Variants in NRG1 observed in about 807,000 individuals in gnomAD.
NRG1 encodes the protein pro-neuregulin-1, membrane-bound isoform.
NRG1 carries 18 observed loss-of-function variants against 63.8 expected under a neutral mutation model. The observed-to-expected ratio is 0.28, with a 90% CI of 0.19 to 0.42. The LOEUF (loss-of-function observed/expected upper bound fraction) is 0.42, where lower values mean the gene tolerates loss of function less well. NRG1 is among the 10% of genes least tolerant of loss of function. NRG1 has a pLI of 1.00. For missense variants in NRG1, 762 were observed against 814.7 expected, an observed-to-expected ratio of 0.94 and a Z score of 0.79; for synonymous variants, 302 against 301.3, an observed-to-expected ratio of 1.00 and a Z score of -0.02.
chr8:32,566,996 C>A (rs978968649), intron 1 of NRG1, among the ~76,000 whole-genome samples: 3 of 152,164 alleles, frequency 2.0e-5, no homozygotes, highest in Non-Finnish European at 2.9e-5. Context: ...GCAGGCACCA[C>A]CACACCCGGC....
intron 1 of NRG1, among the ~76,000 whole-genome samples, chr8:31,897,353 C>G (rs1205790377): frequency 6.6e-6 from 1 of 152,110 alleles, no homozygotes; most frequent in Non-Finnish European, 1.5e-5. Context: ...TAAGATACCA[C>G]ATTCCAGCCT....
chr8:32,703,451 C>G (rs1264630803), intron 5 of NRG1, among the ~76,000 whole-genome samples: 6 of 142,286 alleles, frequency 4.2e-5, no homozygotes, highest in Admixed American at 2.8e-4. Flanking sequence ...TGGAGTCTCG[C>G]TGTGTCGCTC....
chr8:32,725,578 C>A (rs943813721), intron 5 of NRG1, among the ~76,000 whole-genome samples: 2 of 144,960 alleles, frequency 1.4e-5, no homozygotes, highest in African/African-American at 5.1e-5. Flanking sequence ...CAGGTTCAAG[C>A]GATTCTCCTG....
intron 1 of NRG1, among the ~76,000 whole-genome samples, chr8:32,084,509 A>G (rs1351198360): frequency 6.6e-6 from 1 of 152,128 alleles, no homozygotes; most frequent in Non-Finnish European, 1.5e-5. Context: ...ATATCTTCCC[A>G]TGGTTTATTT....
At chr8:32,365,776 A>G (rs1807889700) in intron 1 of NRG1, among the ~76,000 whole-genome samples, 1 of 152,144 alleles carries the variant, frequency 6.6e-6, no homozygotes, top group Non-Finnish European at 1.5e-5. Context: ...CAGCAGGAGG[A>G]TTTGACCCTC....
intron 1 of NRG1, among the ~76,000 whole-genome samples, chr8:31,841,554 CA>C (rs1438035444): frequency 2.0e-5 from 3 of 151,882 alleles, no homozygotes; most frequent in Non-Finnish European, 4.4e-5. Context: ...AGATAAAAGG[CA>C]AAAACAAAAC....
intron 1 of NRG1, among the ~76,000 whole-genome samples, chr8:31,878,642 A>G (rs1469283929): frequency 4.6e-5 from 7 of 152,198 alleles, no homozygotes; most frequent in Non-Finnish European, 1.0e-4. Context: ...CTGCAAGGCT[A>G]CAATCAAGAT....
intron 1 of NRG1, among the ~76,000 whole-genome samples, chr8:32,419,625 T>G (rs151257689): frequency 2.6e-5 from 4 of 152,338 alleles, no homozygotes; most frequent in African/African-American, 9.6e-5. Context: ...AAAGTCTATT[T>G]GAATTATTTA....
At chr8:31,951,457 A>G (rs553081068) in intron 1 of NRG1, among the ~76,000 whole-genome samples, 1 of 152,324 alleles carries the variant, frequency 6.6e-6, no homozygotes, top group East Asian at 1.9e-4. Flanking sequence ...GGAAAAAAAA[A>G]GTCAATGGCT....
chr8:32,448,200 A>G (rs1820510706), intron 1 of NRG1, among the ~76,000 whole-genome samples: 1 of 152,150 alleles, frequency 6.6e-6, no homozygotes. Flanking sequence ...AACCTAAGTA[A>G]ATGTGTTTAT....
intron 1 of NRG1, among the ~76,000 whole-genome samples, chr8:32,321,507 TG>T (rs1222418169): frequency 7.1e-6 from 1 of 141,624 alleles, no homozygotes; most frequent in Non-Finnish European, 1.6e-5. Flanking sequence ...CTGACAGCAG[TG>T]GGTTTTTTTT....
intron 1 of NRG1, among the ~76,000 whole-genome samples, chr8:32,355,826 G>A (rs1461343504): frequency 6.6e-6 from 1 of 152,124 alleles, no homozygotes; most frequent in Non-Finnish European, 1.5e-5. Flanking sequence ...GTACCTGGGT[G>A]ATCACAAACA....
At chr8:32,384,212 G>A (rs35310935) in intron 1 of NRG1, among the ~76,000 whole-genome samples, 3 of 151,966 alleles carry the variant, frequency 2.0e-5, no homozygotes, top group African/African-American at 4.8e-5. Flanking sequence ...ACTCCAGCCC[G>A]GGTGACAGAG....
At chr8:31,990,293 C>T (rs1444401957) in intron 1 of NRG1, among the ~76,000 whole-genome samples, 4 of 151,944 alleles carry the variant, frequency 2.6e-5, no homozygotes, top group Non-Finnish European at 5.9e-5. Context: ...TTTGAAATAC[C>T]CACTCTAGAT....
chr8:32,543,304 T>C (rs1029906503), upstream of NRG1, among the ~76,000 whole-genome samples: 1 of 152,170 alleles, frequency 6.6e-6, no homozygotes, highest in African/African-American at 2.4e-5. Context: ...TACATATGTA[T>C]ATATGTATGT....
At chr8:32,554,112 AC>A (rs1259323002) in intron 1 of NRG1, among the ~76,000 whole-genome samples, 1 of 152,182 alleles carries the variant, frequency 6.6e-6, no homozygotes, top group East Asian at 1.9e-4. Context: ...AGTTTAGTTA[AC>A]CCTGGAGCTC....
intron 1 of NRG1, among the ~76,000 whole-genome samples, chr8:31,853,498 A>G (rs1313010347): frequency 1.3e-5 from 2 of 149,926 alleles, no homozygotes; most frequent in Non-Finnish European, 3.0e-5. Flanking sequence ...TTATCAGCTT[A>G]AGGAGATTTT....
intron 3 of NRG1, among the ~76,000 whole-genome samples, chr8:32,609,080 C>T (rs1845842030): frequency 6.6e-6 from 1 of 152,172 alleles, no homozygotes; most frequent in Non-Finnish European, 1.5e-5. Context: ...AAGCTCCTCT[C>T]TTCAAAGTCT....
chr8:32,451,330 C>T (rs1275023609), intron 1 of NRG1, among the ~76,000 whole-genome samples: 1 of 152,164 alleles, frequency 6.6e-6, no homozygotes, highest in Non-Finnish European at 1.5e-5. Flanking sequence ...AGGCTCCACT[C>T]ATTTCTACCT....
Sources: gnomAD v4.1 joint callset for allele counts (sites outside exome capture counted in the v4.1 genomes callset) on GRCh38, gnomAD v4.1.1 for gene constraint, MANE v1.5 for transcripts, NCBI Gene and HGNC (gene_info 2026-07-23, HGNC 2026-07-21) for gene names.